Variants in ROBO1 observed in about 807,000 individuals in gnomAD.
ROBO1 encodes roundabout homolog 1.
A neutral mutation model predicts 195.9 loss-of-function variants in ROBO1; 149 were observed. The ratio of observed to expected loss-of-function variants is 0.76; its 90% confidence interval spans 0.67 to 0.87. The LOEUF (loss-of-function observed/expected upper bound fraction) is 0.87, where lower values mean the gene tolerates loss of function less well. Among genes scored for constraint, ROBO1 ranks in the 40% least tolerant of loss-of-function variants. The probability of loss-of-function intolerance (pLI) is 0.00; values close to 1 mark genes in which losing one functional copy is unlikely to be tolerated. For synonymous variants in ROBO1, 816 were observed against 733.2 expected (o/e 1.11, Z -1.82); for missense variants, 1,933 against 2,068.3 (o/e 0.93, Z 1.27).
chr3:79,272,975 A>G (rs1193537402), intron 2 of ROBO1, among the ~76,000 whole-genome samples: 1 of 152,096 alleles, frequency 6.6e-6, no homozygotes, highest in East Asian at 1.9e-4. Context: ...TGCTGAAGGA[A>G]AAGAACTTTA....
intron 2 of ROBO1, among the ~76,000 whole-genome samples, chr3:79,443,888 T>C (rs1362383130): frequency 6.6e-6 from 1 of 151,322 alleles, no homozygotes; most frequent in Admixed American, 6.6e-5. Flanking sequence ...AAAGCATATA[T>C]GGAATCTTGA....
At chr3:79,317,998 G>A (rs2033815171) in intron 2 of ROBO1, among the ~76,000 whole-genome samples, 1 of 152,104 alleles carries the variant, frequency 6.6e-6, no homozygotes, top group East Asian at 1.9e-4. Context: ...AATCTGCAGA[G>A]CCAATGTCCT....
chr3:78,757,921 G>A (rs1342735510), intron 4 of ROBO1, among the ~76,000 whole-genome samples: 5 of 152,156 alleles, frequency 3.3e-5, no homozygotes, highest in Non-Finnish European at 7.3e-5. Context: ...ATCAGAGCCT[G>A]TCTTTGGCTT....
At position 78,598,356 on chromosome 3, in the gene ROBO1, T is replaced by C. The variant is rs1345925129; in HGVS notation, c.*557A>G. The C allele has an allele frequency of 6.6e-6, 1 of 152,534 alleles. No homozygotes were observed. The highest frequency in any genetic ancestry group is 3.2e-3 in the Middle Eastern group (1 of 316). 9.4% of individuals were successfully genotyped at this position (152,534 alleles called of 1,614,324 possible). A position where few individuals can be genotyped will look rare whatever the true frequency, so the allele number is the denominator to read the frequency against. On this transcript the variant is annotated 3_prime_UTR_variant, in exon 31 of 31. Transcript: ENST00000464233. ...ATGTTTCTACCCCATTCGAATTGTT[T>C]GTGGTTCTGCATTTGCTATATTTTT...
At chr3:78,636,935 T>TTATATATA (rs55894934) in intron 22 of ROBO1, among the ~76,000 whole-genome samples, 7,823 of 96,034 alleles carry the variant, frequency 0.081, 567 homozygotes, top group Middle Eastern at 0.13. Context: ...TACATTCATT[T>TTATATATA]TATATATATA....
chr3:78,662,279 A>G (rs1267185549), intron 14 of ROBO1, among the ~76,000 whole-genome samples, 165 bp from the exon 15 acceptor site: 6 of 151,668 alleles, frequency 4.0e-5, no homozygotes, highest in African/African-American at 1.5e-4. Flanking sequence ...TAACCTTTTT[A>G]TTAGGATCAG....
intron 1 of ROBO1, among the ~76,000 whole-genome samples, chr3:79,750,681 A>G (rs1560155937): frequency 6.6e-6 from 1 of 152,210 alleles, no homozygotes. Context: ...GGCTGCTGCC[A>G]TCCACGTAAG....
intron 4 of ROBO1, among the ~76,000 whole-genome samples, chr3:78,833,875 A>C (rs1304075800): frequency 6.6e-6 from 1 of 152,198 alleles, no homozygotes; most frequent in Non-Finnish European, 1.5e-5. Context: ...ACCAGGAGGA[A>C]TATTCAGAGT....
intron 2 of ROBO1, among the ~76,000 whole-genome samples, chr3:79,364,328 T>C (rs2109313934): frequency 6.6e-6 from 1 of 150,742 alleles, no homozygotes; most frequent in African/African-American, 2.4e-5. Flanking sequence ...TAATTCCAAG[T>C]CATTGATAAT....
chr3:78,938,757 G>C lies in ROBO1; in HGVS notation c.343C>G (p.Pro115Ala). The C allele has an allele frequency of 6.2e-7, 1 of 1,613,846 alleles. No individual in the cohort carries two copies. The highest frequency in any genetic ancestry group is 8.5e-7 in the Non-Finnish European group (1 of 1,179,880). ...GERVETDKDD[P>A]RSHRMLLPSG... ...GGCAGCAACATTCGGTGTGAGCGAG[G>C]GTCATCTTTGTCTGTCTCCACTCTC... is the stretch of plus-strand genomic sequence containing the variant. Residue 115 changes from proline to alanine, a missense_variant, in exon 4 of 31, where the codon CCT becomes GCT. Physicochemically the swap from Pro to Ala is conservative, Grantham distance 27 (BLOSUM62 -1). This residue lies in a region of ROBO1 where 185 missense variants were observed against 159.5 expected (regional missense o/e 1.16). Transcript: ENST00000464233.
chr3:79,043,544 A>G (rs2078528249), intron 3 of ROBO1, among the ~76,000 whole-genome samples: 2 of 152,052 alleles, frequency 1.3e-5, no homozygotes, highest in Admixed American at 1.3e-4. Flanking sequence ...ATGACATCAT[A>G]TAGATTTTTT....
chr3:78,841,841 A>T (rs2033229082), intron 4 of ROBO1, among the ~76,000 whole-genome samples: 1 of 152,182 alleles, frequency 6.6e-6, no homozygotes. Context: ...CTATTTTAAA[A>T]TTTTAATAAA....
intron 2 of ROBO1, among the ~76,000 whole-genome samples, chr3:79,569,077 T>A (rs903149159): frequency 1.3e-5 from 2 of 152,192 alleles, no homozygotes; most frequent in Non-Finnish European, 2.9e-5. Context: ...TGTTTGGTGA[T>A]CCAAACTTTT....
At chr3:79,192,828 A>G (rs2108758965) in intron 2 of ROBO1, among the ~76,000 whole-genome samples, 1 of 151,788 alleles carries the variant, frequency 6.6e-6, no homozygotes, top group South Asian at 2.1e-4. Context: ...CTACACTTTG[A>G]AAAATGTGCA....
At chr3:79,013,631 C>T (rs2077844970) in intron 3 of ROBO1, among the ~76,000 whole-genome samples, 1 of 152,170 alleles carries the variant, frequency 6.6e-6, no homozygotes. Context: ...GGAAAATGCA[C>T]AGTAGTTGAG....
intron 2 of ROBO1, among the ~76,000 whole-genome samples, chr3:79,317,154 G>A (rs1443757882): frequency 6.6e-6 from 1 of 151,968 alleles, no homozygotes; most frequent in Non-Finnish European, 1.5e-5. Flanking sequence ...AGGCCAGAAG[G>A]TCACTTTCTG....
At chr3:79,411,844 G>A (rs928251202) in intron 2 of ROBO1, among the ~76,000 whole-genome samples, 2 of 152,076 alleles carry the variant, frequency 1.3e-5, no homozygotes, top group African/African-American at 2.4e-5. Context: ...GCAAAGCTAC[G>A]CAGACCCTGA....
chr3:78,675,035 C>A (rs913788014), intron 10 of ROBO1, among the ~76,000 whole-genome samples: 5 of 151,926 alleles, frequency 3.3e-5, no homozygotes, highest in Admixed American at 2.6e-4. Context: ...GGAGCCAGTA[C>A]ATGTATAATA....
intron 2 of ROBO1, among the ~76,000 whole-genome samples, chr3:79,281,060 T>C (rs951018408): frequency 1.4e-4 from 21 of 152,198 alleles, no homozygotes; most frequent in African/African-American, 5.1e-4. Flanking sequence ...TTTCCTAAGA[T>C]AGATCTTAAC....
Sources: allele counts gnomAD v4.1 joint callset (sites outside exome capture counted in the v4.1 genomes callset), GRCh38; gene constraint gnomAD v4.1.1; regional missense constraint gnomAD v4.1.1; transcripts MANE v1.5; gene names NCBI Gene and HGNC (gene_info 2026-07-23, HGNC 2026-07-21).